SIK2: variants seen among roughly 807,000 people sequenced by gnomAD.
The protein encoded by SIK2 is salt inducible kinase 2, also known as serine/threonine-protein kinase SIK2.
Under a neutral mutation model 103.2 loss-of-function variants are expected in SIK2, and 29 were observed. The observed-to-expected ratio is 0.28, with a 90% CI of 0.21 to 0.38. The LOEUF is 0.38. Among genes scored for constraint, SIK2 ranks in the 10% least tolerant of loss-of-function variants. SIK2 has a pLI of 1.00. For missense variants in SIK2, 879 were observed against 1,171.0 expected (o/e 0.75, Z 3.64); for synonymous variants, 412 against 446.1 (o/e 0.92, Z 0.96).
chr11:111,655,309 C>T lies in SIK2; in HGVS notation c.317-32692C>T, dbSNP rs556015466. Among the ~76,000 whole-genome samples the T allele has an allele frequency of 4.9e-4, 74 of 152,114 alleles. 1 individual carries two copies. The highest frequency in any genetic ancestry group is 1.0e-3 in the Non-Finnish European group (68 of 67,992). ...CCCAGCTACTCAAGAGGCTGAGAGG[C>T]GAGAGAATTGCTTGAAACCAGGAGG... On this transcript the variant is annotated intron_variant, in intron 3 of 14. Coordinates refer to ENST00000304987, the MANE Select transcript of SIK2 (RefSeq NM_015191.3).
chr11:111,639,992 G>A (rs931148092), intron 3 of SIK2, among the ~76,000 whole-genome samples: 8 of 152,052 alleles, frequency 5.3e-5, no homozygotes, highest in African/African-American at 1.7e-4. Context: ...CTGTTACTGC[G>A]CAGGGTGTGT....
chr11:111,616,771 G>T (rs1941812137), intron 2 of SIK2, among the ~76,000 whole-genome samples: 1 of 151,976 alleles, frequency 6.6e-6, no homozygotes, highest in Admixed American at 6.6e-5. Context: ...GCTTGAGGTT[G>T]CAGTGAGCTA....
At chr11:111,658,632 A>C (rs1942426686) in intron 3 of SIK2, among the ~76,000 whole-genome samples, 1 of 152,028 alleles carries the variant, frequency 6.6e-6, no homozygotes, top group South Asian at 2.1e-4. Context: ...AGTCCTAGCT[A>C]CTCAGAGGCT....
intron 3 of SIK2, among the ~76,000 whole-genome samples, chr11:111,667,588 C>T (rs1426117775): frequency 1.3e-5 from 2 of 149,986 alleles, no homozygotes; most frequent in African/African-American, 2.4e-5. Flanking sequence ...ACCTCCTGGG[C>T]TCAAGCAATT....
chr11:111,703,143 C>A, intron 6 of SIK2, 60 bp from the exon 7 acceptor site: 3 of 1,497,466 alleles, frequency 2.0e-6, no homozygotes, highest in Non-Finnish European at 2.8e-6. Flanking sequence ...ATGAGTCAAG[C>A]AAATAACCCT....
At chr11:111,710,035 C>G (rs1943455658) in intron 8 of SIK2, among the ~76,000 whole-genome samples, 1 of 152,186 alleles carries the variant, frequency 6.6e-6, no homozygotes, top group African/African-American at 2.4e-5. Context: ...AGACTACCTT[C>G]ATAGAGAAGG....
chr11:111,690,195 C>T (rs1208133306), intron 4 of SIK2, among the ~76,000 whole-genome samples: 1 of 151,100 alleles, frequency 6.6e-6, no homozygotes, highest in Non-Finnish European at 1.5e-5. Flanking sequence ...CTGTGAGGAA[C>T]TTCACTGGGA....
At chr11:111,711,294 TG>T (rs1314689186) in intron 8 of SIK2, among the ~76,000 whole-genome samples, 1 of 152,072 alleles carries the variant, frequency 6.6e-6, no homozygotes, top group Admixed American at 6.5e-5. Context: ...AATTTTTTTT[TG>T]TATTTTTAGT....
intron 3 of SIK2, among the ~76,000 whole-genome samples, chr11:111,686,281 A>G (rs1421723577): frequency 1.3e-5 from 2 of 152,120 alleles, no homozygotes; most frequent in Non-Finnish European, 2.9e-5. Flanking sequence ...TCTCTACTAC[A>G]AATACAAAAT....
intron 3 of SIK2, 43 bp downstream of exon 3, chr11:111,620,445 A>G (rs773110806): frequency 1.6e-6 from 2 of 1,288,694 alleles, no homozygotes. Flanking sequence ...TGAAAAATTC[A>G]CTAATCTGCA....
chr11:111,658,324 C>T (rs898852754), intron 3 of SIK2, among the ~76,000 whole-genome samples: 5 of 152,004 alleles, frequency 3.3e-5, no homozygotes, highest in African/African-American at 1.2e-4. Flanking sequence ...AGGGTTTCAC[C>T]ATATTGGCCA....
intron 9 of SIK2, among the ~76,000 whole-genome samples, chr11:111,716,957 G>A (rs1943657810): frequency 1.3e-5 from 2 of 152,040 alleles, no homozygotes; most frequent in Admixed American, 1.3e-4. Context: ...TAAAAAGTGG[G>A]CAAAGGACAA....
chr11:111,686,270 G>A (rs538082806), intron 3 of SIK2, among the ~76,000 whole-genome samples: 211 of 152,160 alleles, frequency 1.4e-3, no homozygotes, highest in Non-Finnish European at 2.2e-3. Context: ...GTGAAACCTC[G>A]TCTCTACTAC....
intron 3 of SIK2, among the ~76,000 whole-genome samples, chr11:111,641,696 A>C (rs1942185406): frequency 6.6e-6 from 1 of 152,158 alleles, no homozygotes; most frequent in Non-Finnish European, 1.5e-5. Flanking sequence ...ATTTCTTAAA[A>C]ATCTTCTGCA....
In SIK2 at chr11:111,709,885, G is replaced by A. The variant is rs140776445; in HGVS notation, c.1102-2326G>A. Among the ~76,000 whole-genome samples the A allele has an allele frequency of 2.2e-3, 329 of 152,322 alleles. 2 individuals carry two copies. The highest frequency in any genetic ancestry group is 7.4e-3 in the African/African-American group (308 of 41,564). On this transcript the variant is annotated intron_variant, in intron 8 of 14. Transcript: ENST00000304987. ...AACACTGTCAAGGACTATGTGCTAC[G>A]CTTGGTCTGGCACAGCACCGTCTGG...
chr11:111,714,937 GAATT>G (rs1230048685), intron 9 of SIK2, among the ~76,000 whole-genome samples: 1 of 152,192 alleles, frequency 6.6e-6, no homozygotes, highest in Admixed American at 6.5e-5. Context: ...TCCCTCAAAA[GAATT>G]AAAATGCAGT....
intron 3 of SIK2, among the ~76,000 whole-genome samples, chr11:111,648,022 C>A (rs1942280284): frequency 6.6e-6 from 1 of 150,880 alleles, no homozygotes; most frequent in Non-Finnish European, 1.5e-5. Flanking sequence ...AAATCAAATG[C>A]AGCTGGAAAA....
intron 1 of SIK2, among the ~76,000 whole-genome samples, chr11:111,607,267 G>A (rs980391127): frequency 2.0e-5 from 3 of 152,118 alleles, no homozygotes; most frequent in African/African-American, 7.2e-5. Flanking sequence ...AACTGTATTT[G>A]TTTGCTAAAA....
At chr11:111,664,011 C>A (rs754385877) in intron 3 of SIK2, among the ~76,000 whole-genome samples, 1 of 152,200 alleles carries the variant, frequency 6.6e-6, no homozygotes. Flanking sequence ...CCACTCCCCA[C>A]TCTCCAGGGA....
Sources: gnomAD v4.1 joint callset for allele counts (sites outside exome capture counted in the v4.1 genomes callset) on GRCh38, gnomAD v4.1.1 for gene constraint, MANE v1.5 for transcripts, NCBI Gene and HGNC (gene_info 2026-07-23, HGNC 2026-07-21) for gene names.